The following DNAH7 variants were observed in gnomAD, a reference collection of about 807,000 sequenced individuals.
DNAH7 encodes axonemal beta dynein heavy chain 7.
DNAH7 carries 397 observed loss-of-function variants against 444.6 expected under a neutral mutation model. The ratio of observed to expected loss-of-function variants is 0.89; its 90% CI spans 0.82 to 0.97. DNAH7 has a LOEUF of 0.97. Among genes scored for constraint, DNAH7 ranks in the 50% least tolerant of loss-of-function variants. The pLI is 0.00. For synonymous variants in DNAH7, 1,636 were observed against 1,624.4 expected (o/e 1.01, Z -0.17); for missense variants, 4,902 against 4,800.8 (o/e 1.02, Z -0.62).
chr2:195,960,969 ATTAG>A, intron 17 of DNAH7, 24 bp from the exon 18 acceptor site: 1 of 1,466,084 alleles, frequency 6.8e-7, no homozygotes, highest in Non-Finnish European at 9.0e-7. Flanking sequence ...TATTGAATAT[ATTAG>A]TTATTTTGAA....
At chr2:195,821,995 A>G (rs1697496437) in intron 49 of DNAH7, among the ~76,000 whole-genome samples, 1 of 152,182 alleles carries the variant, frequency 6.6e-6, no homozygotes, top group Admixed American at 6.5e-5. Context: ...GTGGGGTATT[A>G]TCTGGGTTAA....
rs545649791 is a variant in DNAH7, at chr2:195,949,402, G to T, written c.3078+7859C>A. 2.6e-5 allele frequency among the ~76,000 whole-genome samples: 4 copies of T among 152,074 alleles called. No individual in the cohort carries two copies. The East Asian group carries it at 5.8e-4, about 22-fold the overall frequency. On this transcript the variant is annotated intron_variant, in intron 19 of 64. Coordinates refer to ENST00000312428, the MANE Select transcript of DNAH7 (RefSeq NM_018897.3). ...GAGTTCAAGCAATTCTCCTGTCTTC[G>T]CTTCCTGAGTAGCTGGGACTACAGT...
At chr2:196,027,117 G>A (rs146534043) in intron 6 of DNAH7, among the ~76,000 whole-genome samples, 177 bp from the exon 7 acceptor site, 2 of 152,094 alleles carry the variant, frequency 1.3e-5, no homozygotes, top group East Asian at 3.9e-4. Context: ...TTACAAATGT[G>A]TATTTTCATG....
chr2:195,976,600 T>C (rs1488945758), intron 15 of DNAH7, among the ~76,000 whole-genome samples: 2 of 152,050 alleles, frequency 1.3e-5, no homozygotes, highest in African/African-American at 4.8e-5. Flanking sequence ...AGTAAGAGGT[T>C]ACCATGGGCC....
intron 63 of DNAH7, among the ~76,000 whole-genome samples, chr2:195,743,286 T>A (rs1237951817): frequency 6.6e-6 from 1 of 152,222 alleles, no homozygotes. Context: ...CTCCTTAACT[T>A]GCAGACGGCT....
rs746286543 is a variant in DNAH7, at chr2:195,884,599, G to C, written c.5749C>G (p.Gln1917Glu). The C allele has an allele frequency of 1.2e-6, 2 of 1,613,508 alleles. No homozygotes were observed. The highest frequency in any genetic ancestry group is 2.2e-5 in the South Asian group (2 of 90,984). Residue 1917 changes from glutamine to glutamate, a missense_variant, in exon 35 of 65, where the codon CAA (glutamine) becomes GAA (glutamate). Transcript: ENST00000312428. ...FPEKGTIYDY[Q>E]FVTEGIGKWE... ...AGAACTCTTACCTCAGTGACAAATT[G>C]ATAATCATAAATTGTTCCTTTTTCA...
chr2:195,959,195 T>C (rs907955166), intron 18 of DNAH7, among the ~76,000 whole-genome samples: 2 of 152,182 alleles, frequency 1.3e-5, no homozygotes, highest in Non-Finnish European at 2.9e-5. Flanking sequence ...CAAAGAAATG[T>C]TAATGAGTTC....
chr2:195,834,052 C>A (rs1312098888), intron 48 of DNAH7, among the ~76,000 whole-genome samples, 154 bp downstream of exon 48: 4 of 152,146 alleles, frequency 2.6e-5, no homozygotes, highest in South Asian at 2.1e-4. Context: ...ACAAAAAATA[C>A]AAAAATTAGC....
At chr2:195,914,237 C>G (rs1403879358) in intron 24 of DNAH7, among the ~76,000 whole-genome samples, 1 of 152,210 alleles carries the variant, frequency 6.6e-6, no homozygotes, top group Non-Finnish European at 1.5e-5. Context: ...CTATCAAGAG[C>G]ACTACTAAAG....
Position 195,817,877 on chromosome 2 carries a change from A to C in DNAH7, c.9292-48T>G, listed in dbSNP as rs1344134750. On this transcript the variant is annotated intron_variant, in intron 49 of 64. Transcript: ENST00000312428. ...AAATTACATCATTATTTCTGTTAAAAAGTCTCTGCTTTTATGTGTCAAGTT... is the reference window on the plus strand; with the variant it reads ...AAATTACATCATTATTTCTGTTAAACAGTCTCTGCTTTTATGTGTCAAGTT... The C allele has an allele frequency of 2.8e-6, 4 of 1,427,210 alleles. No individual in the cohort carries two copies. In the African/African-American group the frequency reaches 5.8e-5, roughly 21 times the overall value. The allele number at this position is 1,427,210 out of a possible 1,614,324, so 88.4% of individuals were successfully genotyped here.
intron 43 of DNAH7, among the ~76,000 whole-genome samples, chr2:195,858,176 A>C (rs1428456187): frequency 6.6e-6 from 1 of 152,206 alleles, no homozygotes; most frequent in South Asian, 2.1e-4. Flanking sequence ...ATAATCTCAA[A>C]GCTTATGTCT....
chr2:195,970,863 T>G (rs1691793822), intron 16 of DNAH7, among the ~76,000 whole-genome samples: 1 of 152,212 alleles, frequency 6.6e-6, no homozygotes, highest in African/African-American at 2.4e-5. Flanking sequence ...CCTGGCAAAC[T>G]TATTGCTCTA....
chr2:195,960,075 A>C (rs1302929451), intron 18 of DNAH7, among the ~76,000 whole-genome samples, 185 bp downstream of exon 18: 2 of 152,226 alleles, frequency 1.3e-5, no homozygotes, highest in Non-Finnish European at 2.9e-5. Flanking sequence ...AATATCTTTA[A>C]ATATTTAAAG....
At chr2:195,862,995 C>T (rs1056250388) in intron 41 of DNAH7, among the ~76,000 whole-genome samples, 1 of 152,106 alleles carries the variant, frequency 6.6e-6, no homozygotes, top group African/African-American at 2.4e-5. Flanking sequence ...AAGATTGTAC[C>T]ACTGCACTCC....
chr2:195,901,639 T>C (rs1686715421), intron 27 of DNAH7: 1 of 152,172 alleles, frequency 6.6e-6, no homozygotes, highest in Non-Finnish European at 1.5e-5. Flanking sequence ...AGCGAGGCTC[T>C]ACAGGGATCT....
rs200895855 is a variant in DNAH7 at position 195,799,349 on chromosome 2, G to A, written c.10300C>T (p.Leu3434Phe). 6.2e-7 allele frequency: 1 copy of A among 1,611,686 alleles called. No homozygotes were observed. The highest frequency in any genetic ancestry group is 8.5e-7 in the Non-Finnish European group (1 of 1,178,974). ...SNCCAPLIFV[L>F]SPGADPMAAL... The stretch of plus-strand genomic sequence containing the variant: ...GCCATGGGATCTGCTCCAGGAGAGA[G>A]CACGAAAATCAGTGGTGCACAGCAG... Residue 3434 changes from leucine (L) to phenylalanine (F), a missense_variant, in exon 55 of 65, where the codon CTC (leucine) becomes TTC (phenylalanine). Coordinates refer to ENST00000312428, the MANE Select transcript of DNAH7 (RefSeq NM_018897.3).
intron 61 of DNAH7, among the ~76,000 whole-genome samples, chr2:195,770,969 T>C (rs1237707778): frequency 2.6e-5 from 4 of 151,776 alleles, no homozygotes; most frequent in African/African-American, 9.7e-5. Context: ...GTGCTAGGAT[T>C]ACAGGCATGA....
chr2:196,008,103 C>T (rs1321107071), intron 10 of DNAH7, among the ~76,000 whole-genome samples: 1 of 151,632 alleles, frequency 6.6e-6, no homozygotes, highest in Non-Finnish European at 1.5e-5. Flanking sequence ...AATCAGACAA[C>T]CCAGTAGAAA....
chr2:195,918,854 T>C (rs1687846750), intron 24 of DNAH7, among the ~76,000 whole-genome samples: 3 of 152,322 alleles, frequency 2.0e-5, no homozygotes, highest in South Asian at 4.1e-4. Context: ...CACAGAACTC[T>C]ACAACGCAGT....
Sources: gnomAD v4.1 joint callset for allele counts (sites outside exome capture counted in the v4.1 genomes callset) on GRCh38, gnomAD v4.1.1 for gene constraint, MANE v1.5 for transcripts, NCBI Gene and HGNC (gene_info 2026-07-23, HGNC 2026-07-21) for gene names.